AGPAT3: variants seen among roughly 807,000 people sequenced by gnomAD.
AGPAT3 encodes the protein 1-acylglycerol-3-phosphate O-acyltransferase 3.
Under a neutral mutation model 47.3 loss-of-function variants are expected in AGPAT3, and 5 were observed. The ratio of observed to expected loss-of-function variants is 0.11; its 90% CI spans 0.06 to 0.22. AGPAT3 has a LOEUF of 0.22. Among genes scored for constraint, AGPAT3 ranks in the 10% least tolerant of loss-of-function variants. The probability of loss-of-function intolerance (pLI) is 1.00; values close to 1 mark genes in which losing one functional copy is unlikely to be tolerated. For synonymous variants in AGPAT3, 212 were observed against 208.3 expected (o/e 1.02, Z -0.15); for missense variants, 315 against 493.0 (o/e 0.64, Z 3.42).
intron 2 of AGPAT3, among the ~76,000 whole-genome samples, chr21:43,911,829 G>A (rs2086638176): frequency 6.6e-6 from 1 of 152,256 alleles, no homozygotes; most frequent in Non-Finnish European, 1.5e-5. Flanking sequence ...AGAGACGGGG[G>A]CGGTGGCTTT....
rs924760466 is a variant in AGPAT3, at chr21:43,939,343, G to A, written c.-48-20291G>A. ...GCTGTTGTTGTCGGGGGCCTCCCGC[G>A]CCCCAGGAGGTTTCCCAGGGCGATG... On this transcript the variant is annotated intron_variant, in intron 2 of 9. Coordinates refer to ENST00000291572, the MANE Select transcript of AGPAT3 (RefSeq NM_020132.5). The surrounding 1 kb of genome is among the most constrained non-coding windows in gnomAD (Gnocchi z 4.4). Among the ~76,000 whole-genome samples the A allele has an allele frequency of 3.9e-5, 6 of 152,088 alleles. No individual in the cohort carries two copies. The highest frequency in any genetic ancestry group is 2.0e-4 in the Admixed American group (3 of 15,280).
In AGPAT3 at chr21:43,984,902, G is replaced by T. The variant is rs965646055; in HGVS notation, c.*2510G>T. ...GAAGCAACTCTGTAGCCCACAGTCC[G>T]TGCTGGCCACTGTCGGGGTGAGGCA... is the stretch of plus-strand genomic sequence containing the variant. On this transcript the variant is annotated 3_prime_UTR_variant, in exon 10 of 10. Transcript: ENST00000291572. 2.8e-6 allele frequency: 1 copy of T among 352,894 alleles called. No homozygotes were observed. The highest frequency in any genetic ancestry group is 7.5e-5 in the East Asian group (1 of 13,254). 21.9% of individuals were successfully genotyped at this position (352,894 alleles called of 1,614,324 possible).
chr21:43,902,081 G>A (rs984503996), intron 1 of AGPAT3, among the ~76,000 whole-genome samples: 1 of 152,044 alleles, frequency 6.6e-6, no homozygotes, highest in Non-Finnish European at 1.5e-5. Flanking sequence ...ATCTCAAACC[G>A]AAGAAACATG....
chr21:43,969,173 C>T lies in AGPAT3; in HGVS notation c.404C>T (p.Thr135Met), dbSNP rs1433457216. The T allele has an allele frequency of 1.4e-5, 22 of 1,614,092 alleles. No homozygotes were observed. Among genetic ancestry groups the T allele is most frequent in the Non-Finnish European group, 1.6e-5 (19 of 1,180,046 alleles). Residue 135 changes from threonine to methionine, a missense_variant, in exon 5 of 10, where the codon ACG becomes ATG. Coordinates refer to ENST00000291572, the MANE Select transcript of AGPAT3 (RefSeq NM_020132.5). ...ELLYVPLIGW[T>M]WYFLEIVFCK... ...CTCTACGTGCCCCTCATCGGCTGGA[C>T]GTGGTACTTTCTGGAGATTGTGTTC... is the stretch of plus-strand genomic sequence containing the variant.
At chr21:43,953,126 T>C (rs1029274732) in intron 2 of AGPAT3, among the ~76,000 whole-genome samples, 1 of 152,124 alleles carries the variant, frequency 6.6e-6, no homozygotes, top group Non-Finnish European at 1.5e-5. Context: ...ATCCAGGGTG[T>C]GGGGCACGCC....
At position 43,955,602 on chromosome 21, in the gene AGPAT3, G is replaced by T. The variant is rs2088410752; in HGVS notation, c.-48-4032G>T. ...AGCCACCGCGCCCGGCTGAGAATCT[G>T]ATTTTTAAAAATAAACGTCATGACT... On this transcript the variant is annotated intron_variant, in intron 2 of 9. Transcript: ENST00000291572. This position sits in a 1 kb window ranked among gnomAD's most constrained non-coding sequence, Gnocchi z 4.1. Among the ~76,000 whole-genome samples the T allele has an allele frequency of 6.6e-6, 1 of 150,778 alleles. No homozygotes were observed.
intron 2 of AGPAT3, among the ~76,000 whole-genome samples, chr21:43,912,326 C>T (rs2086647483): frequency 1.3e-5 from 2 of 152,236 alleles, no homozygotes; most frequent in South Asian, 4.1e-4. Context: ...GCCTTGTCTC[C>T]CTTCCTCATC....
chr21:43,906,348 G>C (rs1231795088), intron 2 of AGPAT3, among the ~76,000 whole-genome samples: 1 of 152,144 alleles, frequency 6.6e-6, no homozygotes, highest in Non-Finnish European at 1.5e-5. Context: ...AAGCTGGTGA[G>C]TGTTAATATC....
chr21:43,972,365 C>T (rs1454729984), intron 7 of AGPAT3, among the ~76,000 whole-genome samples: 4 of 152,154 alleles, frequency 2.6e-5, no homozygotes, highest in African/African-American at 9.7e-5. Flanking sequence ...AGGCTGGACT[C>T]GAACTCCTGA....
chr21:43,905,917 G>T (rs1601267994), intron 2 of AGPAT3, among the ~76,000 whole-genome samples: 1 of 152,228 alleles, frequency 6.6e-6, no homozygotes, highest in African/African-American at 2.4e-5. Flanking sequence ...CAGGTGCAGG[G>T]TGTGGCGCAC....
rs1195899659 is a variant in AGPAT3 at position 43,920,407 on chromosome 21, C to T, written c.-49+16388C>T. Among the ~76,000 whole-genome samples, 1 of 152,132 alleles carries T rather than the reference C, an allele frequency of 6.6e-6. No homozygotes were observed. The highest frequency in any genetic ancestry group is 1.9e-4 in the East Asian group (1 of 5,194). ...ATAGTGTGATGTAATCAGAAACATA[C>T]TTTGGTCTCTGGCCCTGGCTCTGGG... On this transcript the variant is annotated intron_variant, in intron 2 of 9. Transcript: ENST00000291572. The surrounding 1 kb of genome is among the most constrained non-coding windows in gnomAD (Gnocchi z 6.1).
chr21:43,909,349 G>A (rs977175052), intron 2 of AGPAT3, among the ~76,000 whole-genome samples: 4 of 148,116 alleles, frequency 2.7e-5, no homozygotes, highest in African/African-American at 5.0e-5. Context: ...AGGCCGGAGT[G>A]TGGTGGCGTG....
Position 43,985,546 on chromosome 21 carries a change from A to C in AGPAT3, c.*3154A>C, listed in dbSNP as rs1358489477. 1 of 267,496 alleles carries C rather than the reference A, an allele frequency of 3.7e-6. No homozygotes were observed. Among genetic ancestry groups the C allele is most frequent in the African/African-American group, 2.3e-5 (1 of 44,156 alleles). 16.6% of individuals were successfully genotyped at this position (267,496 alleles called of 1,614,324 possible). A position where few individuals can be genotyped will look rare whatever the true frequency, so the allele number is the denominator to read the frequency against. ...GAGCATTGATGTTGATTTGAAGGAAAAGCCGTGGTTGGACCCAGCTGTGTG... is the reference window on the plus strand; with the variant it reads ...GAGCATTGATGTTGATTTGAAGGAACAGCCGTGGTTGGACCCAGCTGTGTG... On this transcript the variant is annotated 3_prime_UTR_variant, in exon 10 of 10. Coordinates refer to ENST00000291572, the MANE Select transcript of AGPAT3 (RefSeq NM_020132.5).
chr21:43,923,222 T>G, intron 2 of AGPAT3, among the ~76,000 whole-genome samples: 1 of 107,874 alleles, frequency 9.3e-6, no homozygotes, highest in African/African-American at 3.6e-5. Flanking sequence ...TGGCATGAAG[T>G]AGGGGGTGGG....
intron 1 of AGPAT3, among the ~76,000 whole-genome samples, chr21:43,900,036 T>C (rs1473068921): frequency 6.6e-6 from 1 of 152,172 alleles, no homozygotes; most frequent in African/African-American, 2.4e-5. Flanking sequence ...CATTCTGACA[T>C]AGAAAATGTA....
intron 1 of AGPAT3, among the ~76,000 whole-genome samples, chr21:43,900,194 A>G (rs2086318559): frequency 1.3e-5 from 2 of 152,228 alleles, no homozygotes; most frequent in Admixed American, 1.3e-4. Context: ...GACATAGGTC[A>G]GTGTGTCTTG....
intron 1 of AGPAT3, chr21:43,867,878 C>T (rs942872264): frequency 2.6e-5 from 4 of 151,854 alleles, no homozygotes; most frequent in Admixed American, 1.3e-4. Flanking sequence ...TTTGGTTAAC[C>T]GAAGAGTGTT....
chr21:43,934,307 C>T lies in AGPAT3; in HGVS notation c.-48-25327C>T, dbSNP rs1230155750. Among the ~76,000 whole-genome samples the T allele has an allele frequency of 2.6e-5, 4 of 152,230 alleles. No homozygotes were observed. Among genetic ancestry groups the T allele is most frequent in the Non-Finnish European group, 4.4e-5 (3 of 68,028 alleles). ...TGTGCCTGTCCCCACCTCCCAAGGG[C>T]GGAAGGAGGGGCCTCCAGGCCTCGT... On this transcript the variant is annotated intron_variant, in intron 2 of 9. Transcript: ENST00000291572. The surrounding 1 kb of genome is among the most constrained non-coding windows in gnomAD (Gnocchi z 4.7).
At chr21:43,979,298 CA>C (rs540542305) in intron 8 of AGPAT3, among the ~76,000 whole-genome samples, 160 of 57,732 alleles carry the variant, frequency 2.8e-3, no homozygotes, top group South Asian at 0.011. Context: ...GACTCCAACT[CA>C]AAAAAAAAAA....
Sources: allele counts gnomAD v4.1 joint callset (sites outside exome capture counted in the v4.1 genomes callset), GRCh38; gene constraint gnomAD v4.1.1; non-coding constraint Gnocchi (gnomAD v3.1); transcripts MANE v1.5; gene names NCBI Gene and HGNC (gene_info 2026-07-23, HGNC 2026-07-21).